Variants in AHCYL1 observed in about 807,000 individuals in gnomAD.
AHCYL1 encodes adenosylhomocysteinase like 1.
AHCYL1 carries 20 observed loss-of-function variants against 79.3 expected under a neutral mutation model. The ratio of observed to expected loss-of-function variants is 0.25; its 90% CI spans 0.18 to 0.37. AHCYL1 has a LOEUF of 0.37. Among genes scored for constraint, AHCYL1 ranks in the 10% least tolerant of loss-of-function variants. The probability of loss-of-function intolerance (pLI) is 1.00; values close to 1 mark genes in which losing one functional copy is unlikely to be tolerated. For synonymous variants in AHCYL1, 223 were observed against 242.2 expected, an observed-to-expected ratio of 0.92 and a Z score of 0.74; for missense variants, 330 against 673.6, an observed-to-expected ratio of 0.49 and a Z score of 5.65.
Position 110,012,472 on chromosome 1 carries a change from T to G in AHCYL1, c.477+10T>G. The G allele has an allele frequency of 6.4e-7, 1 of 1,574,778 alleles. No individual in the cohort carries two copies. The highest frequency in any genetic ancestry group is 8.6e-7 in the Non-Finnish European group (1 of 1,162,722). On this transcript the variant is annotated intron_variant, in intron 4 of 16. Transcript: ENST00000369799. ...CACAGCCCAGACAGCGGTGAGTTTGTTGGAAGAAAAGAGGGACTTCTGATA... is the reference window on the plus strand; with the variant it reads ...CACAGCCCAGACAGCGGTGAGTTTGGTGGAAGAAAAGAGGGACTTCTGATA...
intron 15 of AHCYL1, among the ~76,000 whole-genome samples, chr1:110,019,893 A>G (rs145914037): frequency 6.6e-6 from 1 of 152,332 alleles, no homozygotes; most frequent in African/African-American, 2.4e-5. Context: ...AGATGTTCTT[A>G]CTCTAAGTAG....
chr1:110,017,033 C>T (rs1419007806), intron 9 of AHCYL1, among the ~76,000 whole-genome samples: 1 of 152,134 alleles, frequency 6.6e-6, no homozygotes, highest in African/African-American at 2.4e-5. Flanking sequence ...TTTAGCCCCA[C>T]AAGTGACTTG....
At chr1:110,015,877 TAC>T (rs999490699) in intron 7 of AHCYL1, among the ~76,000 whole-genome samples, 2 of 152,228 alleles carry the variant, frequency 1.3e-5, no homozygotes, top group African/African-American at 4.8e-5. Flanking sequence ...CTACATGTTA[TAC>T]ACACTACAAA....
intron 1 of AHCYL1, among the ~76,000 whole-genome samples, chr1:109,997,433 G>A (rs1435288322): frequency 6.6e-6 from 1 of 152,172 alleles, no homozygotes; most frequent in East Asian, 1.9e-4. Flanking sequence ...GTAGCCAGGA[G>A]AGCAGCTTTC....
chr1:109,989,636 A>T (rs1453612757), intron 1 of AHCYL1, among the ~76,000 whole-genome samples: 1 of 152,200 alleles, frequency 6.6e-6, no homozygotes, highest in Non-Finnish European at 1.5e-5. Context: ...GTAGTTAATG[A>T]TCTGTAAATA....
In AHCYL1 at chr1:110,021,733, ATTTT is replaced by A; in HGVS notation, c.*56_*59del. 6.5e-7 allele frequency: 1 copy of A among 1,548,552 alleles called. No homozygotes were observed. Among genetic ancestry groups the A allele is most frequent in the Non-Finnish European group, 8.8e-7 (1 of 1,132,664 alleles). On this transcript the variant is annotated 3_prime_UTR_variant, in exon 17 of 17. Coordinates refer to ENST00000369799, the MANE Select transcript of AHCYL1 (RefSeq NM_006621.7). ...CCTGAACCACACACTCTAAAGAAAT[ATTTT>A]TTAAGATAACTTTTATTTTCTTCTT...
At chr1:110,007,706 A>G (rs577743696) in intron 1 of AHCYL1, among the ~76,000 whole-genome samples, 10 of 152,342 alleles carry the variant, frequency 6.6e-5, no homozygotes, top group South Asian at 4.1e-4. Flanking sequence ...AGTATTTGCT[A>G]AAGACTTAGC....
chr1:110,014,757 C>G lies in AHCYL1; in HGVS notation c.581-6C>G. ...GGAATCAGCTGATTCATTTCTGTCT[C>G]TACAGGAGTTGCAGTGTTCGCTTGG... On this transcript the variant is annotated splice_region_variant and splice_polypyrimidine_tract_variant and intron_variant, in intron 5 of 16. Transcript: ENST00000369799. The G allele has an allele frequency of 6.2e-7, 1 of 1,612,154 alleles. No homozygotes were observed. The highest frequency in any genetic ancestry group is 8.5e-7 in the Non-Finnish European group (1 of 1,178,198).
intron 7 of AHCYL1, 112 bp downstream of exon 7, chr1:110,015,643 C>A: frequency 4.2e-6 from 3 of 707,272 alleles, no homozygotes; most frequent in Non-Finnish European, 6.4e-6. Flanking sequence ...GGAATATCTT[C>A]ATTAGATAAA....
chr1:109,988,541 T>C lies in AHCYL1; in HGVS notation c.120+3369T>C, dbSNP rs141688280. On this transcript the variant is annotated intron_variant, in intron 1 of 16. Coordinates refer to ENST00000369799, the MANE Select transcript of AHCYL1 (RefSeq NM_006621.7). ...TCCTTGGACCTTTGGAAATTGACACTGTGTCAAGTTGATTCTTTTTTCATA... is the reference window on the plus strand; with the variant it reads ...TCCTTGGACCTTTGGAAATTGACACCGTGTCAAGTTGATTCTTTTTTCATA... 7.6e-3 allele frequency among the ~76,000 whole-genome samples: 1,160 copies of C among 152,306 alleles called. 12 individuals carry two copies. The highest frequency in any genetic ancestry group is 0.027 in the African/African-American group (1,112 of 41,570).
At chr1:110,012,540 T>G in intron 4 of AHCYL1, 78 bp downstream of exon 4, 1 of 1,205,530 alleles carries the variant, frequency 8.3e-7, no homozygotes, top group East Asian at 2.7e-5. Context: ...ACTTTTCCTT[T>G]CCTAACTCGC....
chr1:110,012,594 A>G, intron 4 of AHCYL1, 132 bp downstream of exon 4: 1 of 738,960 alleles, frequency 1.4e-6, no homozygotes, highest in Non-Finnish European at 2.0e-6. Context: ...CCTGTTACAC[A>G]ATAATGGGGT....
intron 5 of AHCYL1, among the ~76,000 whole-genome samples, chr1:110,013,565 C>G (rs1443184988): frequency 1.3e-5 from 2 of 151,744 alleles, no homozygotes; most frequent in African/African-American, 4.8e-5. Flanking sequence ...CAAAAGTTAG[C>G]CGGGAGTGGT....
chr1:109,990,657 AG>A (rs1331028953), intron 1 of AHCYL1, among the ~76,000 whole-genome samples: 1 of 152,192 alleles, frequency 6.6e-6, no homozygotes, highest in Non-Finnish European at 1.5e-5. Context: ...TGTTAACTAC[AG>A]GGGTGGGGTG....
In AHCYL1 at chr1:110,011,206, G is replaced by A; in HGVS notation, c.233-8G>A. The A allele has an allele frequency of 6.2e-7, 1 of 1,609,238 alleles. No homozygotes were observed. The highest frequency in any genetic ancestry group is 8.5e-7 in the Non-Finnish European group (1 of 1,178,598). ...TTCTATCCTTGTTTTTTTCTTTCCT[G>A]GCTCTAGCTGCATCCTACACAGATA... On this transcript the variant is annotated splice_polypyrimidine_tract_variant and splice_region_variant and intron_variant, in intron 2 of 16. Coordinates refer to ENST00000369799, the MANE Select transcript of AHCYL1 (RefSeq NM_006621.7).
Position 110,019,059 on chromosome 1 carries a change from A to G in AHCYL1, c.1326A>G (p.Leu442=), listed in dbSNP as rs1651620693. 2.5e-6 allele frequency: 4 copies of G among 1,614,082 alleles called. No individual in the cohort carries two copies. The highest frequency in any genetic ancestry group is 3.4e-6 in the Non-Finnish European group (4 of 1,180,012). ...CTCTCTTACCTTTCCAGGGTCGTCT[A>G]CTCAATTTGAGCTGCTCCACAGTTC... The part of the protein sequence containing the change: ...KRVVLLAEGR[L]LNLSCSTVPT... The change falls in exon 14 of 17, where the codon CTA becomes CTG. Residue 442 remains leucine (L), a synonymous_variant. Coordinates refer to ENST00000369799, the MANE Select transcript of AHCYL1 (RefSeq NM_006621.7).
rs1282757584 is a variant in AHCYL1, at chr1:110,011,255, C to A, written c.274C>A (p.Arg92=). Residue 92 remains arginine, a synonymous_variant, in exon 3 of 17, where the codon CGA becomes AGA. Coordinates refer to ENST00000369799, the MANE Select transcript of AHCYL1 (RefSeq NM_006621.7). Reference sequence around the variant, plus strand: ...TAGCTCTGATGATGAGGTTTCTCCCCGAGAGAAGCAGCAAACCAACTCCAA... The same window carrying A: ...TAGCTCTGATGATGAGGTTTCTCCCAGAGAGAAGCAGCAAACCAACTCCAA... ...TDSSDDEVSP[R]EKQQTNSKGS... 6.2e-7 allele frequency: 1 copy of A among 1,614,012 alleles called. No homozygotes were observed. The highest frequency in any genetic ancestry group is 8.5e-7 in the Non-Finnish European group (1 of 1,180,008).
chr1:110,016,767 G>A, intron 9 of AHCYL1, 37 bp downstream of exon 9: 1 of 1,611,438 alleles, frequency 6.2e-7, no homozygotes, highest in Non-Finnish European at 8.5e-7. Context: ...TTCTTTTTGT[G>A]TACTTATTAG....
intron 1 of AHCYL1, among the ~76,000 whole-genome samples, chr1:109,996,981 C>G (rs116828681): frequency 0.011 from 1,693 of 152,292 alleles, 17 homozygotes; most frequent in South Asian, 0.042. Context: ...ATCTCCTCGC[C>G]AGACTGGGTT....
Sources: gnomAD v4.1 joint callset for allele counts (sites outside exome capture counted in the v4.1 genomes callset) on GRCh38, gnomAD v4.1.1 for gene constraint, MANE v1.5 for transcripts, NCBI Gene and HGNC (gene_info 2026-07-23, HGNC 2026-07-21) for gene names.